Variants in ATP2B4 observed in about 807,000 individuals in gnomAD.
The protein encoded by ATP2B4 is plasma membrane calcium-transporting ATPase 4.
Under a neutral mutation model 110.3 loss-of-function variants are expected in ATP2B4, and 39 were observed. That is an observed-to-expected ratio of 0.35 (90% CI 0.27 to 0.46). The LOEUF is 0.46. ATP2B4 is among the 20% of genes least tolerant of loss of function. The probability of loss-of-function intolerance (pLI) is 1.00; values close to 1 mark genes in which losing one functional copy is unlikely to be tolerated. For synonymous variants in ATP2B4, 538 were observed against 571.7 expected (o/e 0.94, Z 0.84); for missense variants, 1,135 against 1,530.9 (o/e 0.74, Z 4.32).
chr1:203,711,299 TG>T (rs1290765259), intron 12 of ATP2B4, among the ~76,000 whole-genome samples, 191 bp downstream of exon 12: 1 of 152,194 alleles, frequency 6.6e-6, no homozygotes, highest in Non-Finnish European at 1.5e-5. Context: ...TAATGCTGTC[TG>T]AGTGTTGAGA....
chr1:203,666,410 T>G (rs1664505149), intron 1 of ATP2B4, among the ~76,000 whole-genome samples: 1 of 152,172 alleles, frequency 6.6e-6, no homozygotes. Flanking sequence ...AGGCCTCAAT[T>G]CTGGAAACAG....
intron 2 of ATP2B4, among the ~76,000 whole-genome samples, chr1:203,687,264 GAA>G (rs1665223658): frequency 1.5e-4 from 1 of 6,706 alleles, no homozygotes; most frequent in Non-Finnish European, 1.1e-3. Flanking sequence ...GAAAGAAAAA[GAA>G]AGAAAAGAAA....
rs540884869 is a variant in ATP2B4 at position 203,740,682 on chromosome 1, A to G, written c.*828A>G. 2.9e-4 allele frequency: 44 copies of G among 152,342 alleles called. No individual in the cohort carries two copies. Among genetic ancestry groups the G allele is most frequent in the African/African-American group, 9.1e-4 (38 of 41,564 alleles). The allele number at this position is 152,342 out of a possible 1,614,324, so 9.4% of individuals were successfully genotyped here. ...ATCTTGTAAAGTGTATGTGGTTCTT[A>G]AGTGCCAGGGAGATCAGCCTTGCCC... On this transcript the variant is annotated 3_prime_UTR_variant, in exon 21 of 21. Coordinates refer to ENST00000357681, the MANE Select transcript of ATP2B4 (RefSeq NM_001684.5).
intron 1 of ATP2B4, among the ~76,000 whole-genome samples, chr1:203,650,484 T>C (rs531485542): frequency 6.6e-5 from 10 of 152,268 alleles, no homozygotes; most frequent in African/African-American, 2.4e-4. Flanking sequence ...CGGCCCGCCT[T>C]ATTTGGGGCT....
Position 203,727,533 on chromosome 1 carries a change from A to G in ATP2B4, c.3271A>G (p.Ile1091Val). 3 of 1,614,124 alleles carry G rather than the reference A, an allele frequency of 1.9e-6. No homozygotes were observed. The highest frequency in any genetic ancestry group is 2.5e-6 in the Non-Finnish European group (3 of 1,179,992). Residue 1091 changes from isoleucine (I) to valine (V), a missense_variant, in exon 20 of 21, where the codon ATC (isoleucine) becomes GTC (valine). This residue lies in a region of ATP2B4 where 61 missense variants were observed against 123.4 expected (regional missense o/e 0.49). Coordinates refer to ENST00000357681, the MANE Select transcript of ATP2B4 (RefSeq NM_001684.5). ...TGAGATGGAGCTGCGCCGAGGCCAGATCCTCTGGTTCCGGGGCCTGAACCG... is the reference window on the plus strand; with the variant it reads ...TGAGATGGAGCTGCGCCGAGGCCAGGTCCTCTGGTTCCGGGGCCTGAACCG... Reference protein sequence around the residue: ...HAEMELRRGQILWFRGLNRIQ... With the variant: ...HAEMELRRGQVLWFRGLNRIQ...
chr1:203,674,803 C>T (rs1049720473), intron 1 of ATP2B4, among the ~76,000 whole-genome samples: 6 of 151,674 alleles, frequency 4.0e-5, no homozygotes, highest in African/African-American at 9.7e-5. Flanking sequence ...ACTACAGGCA[C>T]GTGCCACCAC....
At chr1:203,726,662 C>T (rs1374445462) in intron 19 of ATP2B4, among the ~76,000 whole-genome samples, 1 of 152,150 alleles carries the variant, frequency 6.6e-6, no homozygotes, top group Non-Finnish European at 1.5e-5. Context: ...ATTGCCCATA[C>T]AGTCCCTCTT....
rs1571748499 is a variant in ATP2B4, at chr1:203,709,511, A to G, written c.1768A>G (p.Ser590Gly). The G allele has an allele frequency of 1.2e-6, 2 of 1,614,216 alleles. No homozygotes were observed. The highest frequency in any genetic ancestry group is 1.7e-6 in the Non-Finnish European group (2 of 1,180,030). ...TCCCAACGGTGGCTTCCGTATGTAC[A>G]GCAAGGGCGCCTCTGAGATCATCTT... is the stretch of plus-strand genomic sequence containing the variant. ...RNPNGGFRMY[S>G]KGASEIILRK... Residue 590 changes from serine (S) to glycine (G), a missense_variant, in exon 11 of 21, where the codon AGC becomes GGC. Physicochemically the swap from Ser to Gly is moderately conservative, Grantham distance 56. This residue lies in a region of ATP2B4 where 368 missense variants were observed against 455.9 expected (regional missense o/e 0.81). Transcript: ENST00000357681.
intron 16 of ATP2B4, among the ~76,000 whole-genome samples, 198 bp downstream of exon 16, chr1:203,720,938 T>G (rs1166253022): frequency 6.6e-6 from 1 of 152,246 alleles, no homozygotes; most frequent in Non-Finnish European, 1.5e-5. Context: ...TTAGCACTTA[T>G]GTGTCAGCCA....
intron 1 of ATP2B4, among the ~76,000 whole-genome samples, chr1:203,668,857 G>C (rs974887827): frequency 6.6e-6 from 1 of 152,224 alleles, no homozygotes; most frequent in African/African-American, 2.4e-5. Flanking sequence ...GAATGAGAGA[G>C]ATTGAGAGAT....
At chr1:203,727,833 G>C in intron 20 of ATP2B4, 2 of 452,222 alleles carry the variant, frequency 4.4e-6, no homozygotes, top group Non-Finnish European at 8.0e-6. Flanking sequence ...CTAAAGCCCA[G>C]CCTGCCACCC....
intron 8 of ATP2B4, among the ~76,000 whole-genome samples, chr1:203,704,168 T>C (rs1428307953): frequency 2.0e-5 from 3 of 152,298 alleles, no homozygotes; most frequent in East Asian, 1.9e-4. Flanking sequence ...TCCTTAAAGA[T>C]AGAGAAGGCT....
At chr1:203,719,654 GCAGTGAGCTGAGAT>G (rs1666263021) in intron 15 of ATP2B4, among the ~76,000 whole-genome samples, 1 of 151,930 alleles carries the variant, frequency 6.6e-6, no homozygotes. Context: ...GTCAGAGGTA[GCAGTGAGCTGAGAT>G]CACACCACTG....
At chr1:203,672,308 G>C (rs1305152146) in intron 1 of ATP2B4, among the ~76,000 whole-genome samples, 2 of 126,070 alleles carry the variant, frequency 1.6e-5, no homozygotes, top group Admixed American at 8.6e-5. Context: ...TTGTTCCTGA[G>C]TAAGTTGCGG....
chr1:203,675,425 T>A (rs1485574302), intron 1 of ATP2B4, among the ~76,000 whole-genome samples: 5 of 152,202 alleles, frequency 3.3e-5, no homozygotes, highest in Admixed American at 1.3e-4. Context: ...TCACCACAGA[T>A]AATGTTCCAG....
chr1:203,684,986 C>T (rs1571720614), intron 2 of ATP2B4, among the ~76,000 whole-genome samples: 1 of 152,214 alleles, frequency 6.6e-6, no homozygotes, highest in East Asian at 1.9e-4. Flanking sequence ...GCTTCAGCCT[C>T]CTGAGTAGCT....
At chr1:203,636,215 C>A (rs1381996082) in intron 1 of ATP2B4, among the ~76,000 whole-genome samples, 1 of 152,222 alleles carries the variant, frequency 6.6e-6, no homozygotes, top group Non-Finnish European at 1.5e-5. Context: ...AACCAGCAAG[C>A]AGTGCCTGCC....
intron 1 of ATP2B4, among the ~76,000 whole-genome samples, chr1:203,667,396 G>A (rs1664538694): frequency 6.6e-6 from 1 of 152,202 alleles, no homozygotes; most frequent in African/African-American, 2.4e-5. Context: ...GTGGATATGG[G>A]CAGCATTCGC....
At chr1:203,721,521 C>T (rs1571763197) in intron 17 of ATP2B4, 111 bp downstream of exon 17, 1 of 1,069,576 alleles carries the variant, frequency 9.3e-7, no homozygotes, top group East Asian at 2.4e-5. Context: ...GCAGCTTCAC[C>T]TCCCAGTGCT....
Sources: allele counts gnomAD v4.1 joint callset (sites outside exome capture counted in the v4.1 genomes callset), GRCh38; gene constraint gnomAD v4.1.1; regional missense constraint gnomAD v4.1.1; transcripts MANE v1.5; gene names NCBI Gene and HGNC (gene_info 2026-07-23, HGNC 2026-07-21).